SSH2: variants seen among roughly 807,000 people sequenced by gnomAD.
SSH2 encodes the protein protein phosphatase Slingshot homolog 2.
In SSH2, 37 loss-of-function variants were observed where a neutral mutation model predicts 135.2. The observed-to-expected ratio is 0.27, with a 90% confidence interval of 0.21 to 0.36. The LOEUF (loss-of-function observed/expected upper bound fraction) is 0.36, where lower values mean the gene tolerates loss of function less well. Ranked by LOEUF, SSH2 falls within the 10% of genes least tolerant of loss-of-function variation. The pLI is 1.00. For missense variants in SSH2, 1,408 were observed against 1,765.3 expected (o/e 0.80, Z 3.63); for synonymous variants, 628 against 646.2 (o/e 0.97, Z 0.43).
chr17:29,658,751 T>TA (rs1467125000), intron 11 of SSH2, among the ~76,000 whole-genome samples: 1 of 150,014 alleles, frequency 6.7e-6, no homozygotes, highest in Non-Finnish European at 1.5e-5. Context: ...CCTGTAATCA[T>TA]AGCTACTTGG....
chr17:29,695,136 T>A (rs555413006), intron 5 of SSH2, among the ~76,000 whole-genome samples: 1 of 152,170 alleles, frequency 6.6e-6, no homozygotes, highest in African/African-American at 2.4e-5. Context: ...TCTAGAATAA[T>A]TTCTTTCTAC....
intron 1 of SSH2, among the ~76,000 whole-genome samples, chr17:29,878,903 CAG>C (rs1285491851): frequency 2.0e-5 from 3 of 152,032 alleles, no homozygotes; most frequent in Non-Finnish European, 2.9e-5. Flanking sequence ...AAATGAATAA[CAG>C]AAAAAGTCTG....
At chr17:29,889,406 A>C (rs2093168569) in intron 1 of SSH2, among the ~76,000 whole-genome samples, 1 of 152,162 alleles carries the variant, frequency 6.6e-6, no homozygotes, top group Admixed American at 6.5e-5. Flanking sequence ...ATATTGCGCC[A>C]CTGCACTCCG....
intron 2 of SSH2, among the ~76,000 whole-genome samples, chr17:29,797,975 G>A (rs796725453): frequency 1.3e-5 from 2 of 151,836 alleles, no homozygotes; most frequent in Non-Finnish European, 2.9e-5. Context: ...TTTCTTTTGG[G>A]TCACAAGACA....
intron 2 of SSH2, among the ~76,000 whole-genome samples, chr17:29,833,736 T>A (rs1377227842): frequency 1.2e-5 from 1 of 86,832 alleles, no homozygotes; most frequent in Non-Finnish European, 2.2e-5. Context: ...CCTCCCTACT[T>A]CCCTCCCTTC....
At chr17:29,690,794 T>C (rs1478923593) in intron 5 of SSH2, among the ~76,000 whole-genome samples, 2 of 152,132 alleles carry the variant, frequency 1.3e-5, no homozygotes, top group African/African-American at 2.4e-5. Flanking sequence ...TTAAAAACCA[T>C]GATTTATTTA....
intron 1 of SSH2, among the ~76,000 whole-genome samples, chr17:29,908,825 T>A (rs1462316254): frequency 7.5e-6 from 1 of 132,690 alleles, no homozygotes; most frequent in Non-Finnish European, 1.6e-5. Flanking sequence ...ACGCCTGTAA[T>A]CCCAGCAATT....
chr17:29,874,337 C>T (rs1166566519), intron 1 of SSH2, among the ~76,000 whole-genome samples: 2 of 152,114 alleles, frequency 1.3e-5, no homozygotes, highest in Non-Finnish European at 2.9e-5. Flanking sequence ...ACACATTTAA[C>T]TTACAAAATA....
chr17:29,795,639 G>A (rs533926053), intron 2 of SSH2, among the ~76,000 whole-genome samples: 1 of 152,316 alleles, frequency 6.6e-6, no homozygotes, highest in African/African-American at 2.4e-5. Context: ...CCAAAGAACT[G>A]TAATAAATAG....
chr17:29,849,960 G>T (rs1414349801), intron 1 of SSH2, among the ~76,000 whole-genome samples: 1 of 147,042 alleles, frequency 6.8e-6, no homozygotes, highest in African/African-American at 2.5e-5. Flanking sequence ...AACCCAGGGG[G>T]CGGAGGTTTC....
intron 3 of SSH2, among the ~76,000 whole-genome samples, chr17:29,766,121 T>C (rs2041443124): frequency 6.6e-6 from 1 of 151,522 alleles, no homozygotes; most frequent in Non-Finnish European, 1.5e-5. Flanking sequence ...CATAAATTGG[T>C]CAGTCAGCTT....
intron 3 of SSH2, among the ~76,000 whole-genome samples, chr17:29,745,810 T>A (rs1192302829): frequency 7.2e-6 from 1 of 138,112 alleles, no homozygotes; most frequent in Non-Finnish European, 1.6e-5. Context: ...TATTATAAGT[T>A]CCATTTTACT....
intron 14 of SSH2, among the ~76,000 whole-genome samples, chr17:29,638,063 G>A (rs1289287032): frequency 3.3e-5 from 5 of 151,658 alleles, no homozygotes; most frequent in South Asian, 2.1e-4. Context: ...GCAGTGGGCC[G>A]AGATTGCACC....
chr17:29,641,936 TC>T (rs543689294), intron 14 of SSH2, among the ~76,000 whole-genome samples: 10 of 86,214 alleles, frequency 1.2e-4, no homozygotes, highest in Non-Finnish European at 1.5e-4. Context: ...ATAGACATTG[TC>T]TTTTTTTTTT....
At chr17:29,685,657 C>T (rs897186957) in intron 5 of SSH2, among the ~76,000 whole-genome samples, 47 of 148,648 alleles carry the variant, frequency 3.2e-4, no homozygotes, top group African/African-American at 9.8e-4. Flanking sequence ...GGCGTGGTGG[C>T]GCACGCCTGT....
chr17:29,641,480 C>T (rs1236742035), intron 14 of SSH2: 7 of 152,210 alleles, frequency 4.6e-5, no homozygotes, highest in Admixed American at 1.3e-4. Flanking sequence ...CCTTTTCCCC[C>T]TTGAGTGGCC....
chr17:29,744,862 T>A (rs1173410414), intron 3 of SSH2, among the ~76,000 whole-genome samples: 9 of 43,672 alleles, frequency 2.1e-4, no homozygotes, highest in African/African-American at 5.8e-4. Flanking sequence ...ATTACTTGAG[T>A]GTGTGTGTGT....
At chr17:29,651,414 G>A (rs1409202223) in intron 12 of SSH2, among the ~76,000 whole-genome samples, 2 of 152,208 alleles carry the variant, frequency 1.3e-5, no homozygotes, top group African/African-American at 4.8e-5. Flanking sequence ...TGCATTACTG[G>A]CTGCTATGGC....
intron 2 of SSH2, among the ~76,000 whole-genome samples, chr17:29,809,126 C>T (rs942110374): frequency 2.0e-5 from 3 of 152,126 alleles, no homozygotes; most frequent in South Asian, 2.1e-4. Context: ...TGGTGGCACA[C>T]GCCTGTAGTC....
Sources: allele counts gnomAD v4.1 joint callset (sites outside exome capture counted in the v4.1 genomes callset), GRCh38; gene constraint gnomAD v4.1.1; transcripts MANE v1.5; gene names NCBI Gene and HGNC (gene_info 2026-07-23, HGNC 2026-07-21).